SAR1A: variants seen among roughly 807,000 people sequenced by gnomAD.
The protein encoded by SAR1A is small COPII coat GTPase SAR1A.
In SAR1A, 6 loss-of-function variants were observed where a neutral mutation model predicts 22.6. The ratio of observed to expected loss-of-function variants is 0.27; its 90% CI spans 0.15 to 0.52. The LOEUF (loss-of-function observed/expected upper bound fraction) is 0.52. SAR1A is among the 20% of genes least tolerant of loss of function. The probability of loss-of-function intolerance (pLI) is 0.96; values close to 1 mark genes in which losing one functional copy is unlikely to be tolerated. For synonymous variants in SAR1A, 70 were observed against 82.2 expected, an observed-to-expected ratio of 0.85 and a Z score of 0.80; for missense variants, 145 against 245.1, an observed-to-expected ratio of 0.59 and a Z score of 2.73.
intron 6 of SAR1A, among the ~76,000 whole-genome samples, chr10:70,152,854 T>A (rs1839343518): frequency 6.6e-6 from 1 of 152,208 alleles, no homozygotes; most frequent in Non-Finnish European, 1.5e-5. Context: ...TGTAAAGTTA[T>A]GGCAGCAAAC....
chr10:70,156,609 G>A (rs1355489797), intron 5 of SAR1A, among the ~76,000 whole-genome samples: 1 of 151,590 alleles, frequency 6.6e-6, no homozygotes, highest in Non-Finnish European at 1.5e-5. Context: ...AAGTCTGGAG[G>A]TTACAGTGAG....
chr10:70,152,801 T>C (rs899505294), intron 6 of SAR1A, among the ~76,000 whole-genome samples: 3 of 152,216 alleles, frequency 2.0e-5, no homozygotes, highest in African/African-American at 7.2e-5. Flanking sequence ...TCCCAGCCTT[T>C]CTCTCTCTGA....
chr10:70,165,618 C>G (rs892582889), intron 1 of SAR1A, among the ~76,000 whole-genome samples: 1 of 152,162 alleles, frequency 6.6e-6, no homozygotes, highest in Non-Finnish European at 1.5e-5. Context: ...TAAAGAGATG[C>G]TTCTTATGGA....
At chr10:70,166,549 C>T (rs1357573204) in intron 1 of SAR1A, among the ~76,000 whole-genome samples, 1 of 152,174 alleles carries the variant, frequency 6.6e-6, no homozygotes, top group Non-Finnish European at 1.5e-5. Context: ...AATATTTAAT[C>T]ATTTTTGCAG....
At chr10:70,163,833 G>A in intron 1 of SAR1A, 1 of 1,516,218 alleles carries the variant, frequency 6.6e-7, no homozygotes, top group South Asian at 1.1e-5. Context: ...AGAGTTACAG[G>A]ACATGATTAA....
At chr10:70,164,107 T>C in intron 1 of SAR1A, 2 of 745,786 alleles carry the variant, frequency 2.7e-6, no homozygotes, top group Non-Finnish European at 5.0e-6. Flanking sequence ...TATGAGTTTG[T>C]ACAAATGATG....
At chr10:70,163,691 G>A (rs896748896) in intron 1 of SAR1A, 1 of 770,884 alleles carries the variant, frequency 1.3e-6, no homozygotes, top group Admixed American at 1.8e-5. Context: ...CAGCATGGCT[G>A]ACCAACTGAC....
In SAR1A at chr10:70,163,182, G is replaced by C. The variant is rs1473044729; in HGVS notation, c.-16-1251C>G. Among the ~76,000 whole-genome samples, 56 of 152,186 alleles carry C rather than the reference G, an allele frequency of 3.7e-4. 1 individual carries two copies. The highest frequency in any genetic ancestry group is 3.7e-3 in the Admixed American group (56 of 15,284). On this transcript the variant is annotated intron_variant, in intron 1 of 6. Coordinates refer to ENST00000373241, the MANE Select transcript of SAR1A (RefSeq NM_020150.5). ...AAAGTTCTTGAAGAAAATTAAAAGT[G>C]CTACTCCAGCAAACCCATGAACGTC...
intron 1 of SAR1A, among the ~76,000 whole-genome samples, chr10:70,167,228 A>T (rs1839565437): frequency 6.6e-6 from 1 of 152,094 alleles, no homozygotes; most frequent in South Asian, 2.1e-4. Context: ...GTTTCTCAGC[A>T]TTGTCTGGCC....
Position 70,157,876 on chromosome 10 carries a change from CAA to C in SAR1A, c.245-11_245-10del, listed in dbSNP as rs780390242. On this transcript the variant is annotated splice_polypyrimidine_tract_variant and intron_variant, in intron 4 of 6. Transcript: ENST00000373241. ...TTTCCAAACGCGACGTGCTAAAAAA[CAA>C]AGTTTGTAGTTGCATGAGTAAAAAA... The C allele has an allele frequency of 3.1e-6, 5 of 1,597,094 alleles. No homozygotes were observed. The highest frequency in any genetic ancestry group is 3.4e-5 in the Admixed American group (2 of 59,456).
At chr10:70,166,419 C>A (rs1216276882) in intron 1 of SAR1A, among the ~76,000 whole-genome samples, 2 of 152,116 alleles carry the variant, frequency 1.3e-5, no homozygotes, top group African/African-American at 2.4e-5. Flanking sequence ...GAATGAAAAG[C>A]ACATTGATTT....
intron 4 of SAR1A, among the ~76,000 whole-genome samples, chr10:70,158,407 G>A (rs1370486140): frequency 6.6e-6 from 1 of 152,208 alleles, no homozygotes; most frequent in Non-Finnish European, 1.5e-5. Context: ...AGCCCTTAGG[G>A]AGACTAGGCC....
At position 70,150,795 on chromosome 10, in the gene SAR1A, T is replaced by C. The variant is rs997436896; in HGVS notation, c.*1681A>G. 6.6e-6 allele frequency: 1 copy of C among 152,514 alleles called. No individual in the cohort carries two copies. The highest frequency in any genetic ancestry group is 1.5e-5 in the Non-Finnish European group (1 of 68,040). The allele number at this position is 152,514 out of a possible 1,614,324, so 9.4% of individuals were successfully genotyped here. On this transcript the variant is annotated 3_prime_UTR_variant, in exon 7 of 7. Coordinates refer to ENST00000373241, the MANE Select transcript of SAR1A (RefSeq NM_020150.5). ...ACGAAATGCATGCACTTCCCACATA[T>C]ATACTTCACTGAGCCTCTGCATTCA...
chr10:70,168,968 C>G (rs1839588918), intron 1 of SAR1A, among the ~76,000 whole-genome samples: 1 of 152,102 alleles, frequency 6.6e-6, no homozygotes, highest in South Asian at 2.1e-4. Flanking sequence ...TGAAAATGGC[C>G]TTGGTGGCTC....
chr10:70,169,007 C>T (rs1393098184), intron 1 of SAR1A, among the ~76,000 whole-genome samples: 1 of 152,124 alleles, frequency 6.6e-6, no homozygotes, highest in Non-Finnish European at 1.5e-5. Flanking sequence ...AGGATTTGTA[C>T]CAACTCATCA....
At position 70,150,626 on chromosome 10, in the gene SAR1A, T is replaced by C. The variant is rs1839314629; in HGVS notation, c.*1850A>G. Reference sequence around the variant, plus strand: ...TCTCATGTCTCCGAACAGAGAAGTATGGGGGACCTTTAACCAAAGGAAATT... The same window carrying C: ...TCTCATGTCTCCGAACAGAGAAGTACGGGGGACCTTTAACCAAAGGAAATT... On this transcript the variant is annotated 3_prime_UTR_variant, in exon 7 of 7. Transcript: ENST00000373241. 6.6e-6 allele frequency: 1 copy of C among 152,158 alleles called. No individual in the cohort carries two copies. 9.4% of individuals were successfully genotyped at this position (152,158 alleles called of 1,614,324 possible). A position where few individuals can be genotyped will look rare whatever the true frequency, so the allele number is the denominator to read the frequency against.
chr10:70,165,174 A>G (rs1261621208), intron 1 of SAR1A, among the ~76,000 whole-genome samples: 3 of 147,652 alleles, frequency 2.0e-5, no homozygotes, highest in African/African-American at 7.4e-5. Flanking sequence ...CTGAGGCAGG[A>G]GAATGGCGTG....
At chr10:70,156,194 G>A (rs528556863) in intron 5 of SAR1A, among the ~76,000 whole-genome samples, 3 of 152,252 alleles carry the variant, frequency 2.0e-5, no homozygotes, top group African/African-American at 7.2e-5. Flanking sequence ...ATGCATTTGA[G>A]AGTCACTGAC....
intron 1 of SAR1A, among the ~76,000 whole-genome samples, chr10:70,170,089 T>A (rs1461358088): frequency 1.3e-5 from 2 of 151,746 alleles, no homozygotes; most frequent in African/African-American, 4.8e-5. Flanking sequence ...GCTGTGAGGC[T>A]CTTCCGAGAC....
Sources: allele counts gnomAD v4.1 joint callset (sites outside exome capture counted in the v4.1 genomes callset), GRCh38; gene constraint gnomAD v4.1.1; transcripts MANE v1.5; gene names NCBI Gene and HGNC (gene_info 2026-07-23, HGNC 2026-07-21).